CRIP2: variants seen among roughly 807,000 people sequenced by gnomAD.
CRIP2 encodes cysteine-rich protein 2.
Under a neutral mutation model 31.3 loss-of-function variants are expected in CRIP2, and 31 were observed. The observed-to-expected ratio is 0.99, with a 90% CI of 0.74 to 1.34. CRIP2 has a LOEUF of 1.34. Among genes scored for constraint, CRIP2 ranks in the 40% most tolerant of loss-of-function variants. CRIP2 has a pLI of 0.00. For synonymous variants in CRIP2, 177 were observed against 127.2 expected (o/e 1.39, Z -2.63); for missense variants, 389 against 301.6 (o/e 1.29, Z -2.15).
Position 105,479,766 on chromosome 14 carries a change from GGGC to G in CRIP2, c.*115_*117del. The G allele has an allele frequency of 8.2e-7, 1 of 1,223,928 alleles. No individual in the cohort carries two copies. The highest frequency in any genetic ancestry group is 1.3e-5 in the South Asian group (1 of 75,024). The allele number at this position is 1,223,928 out of a possible 1,614,324, so 75.8% of individuals were successfully genotyped here. On this transcript the variant is annotated 3_prime_UTR_variant, in exon 8 of 8. Transcript: ENST00000329146. ...CCGCCCAGTCCTGCCTGCAAGCCCA[GGGC>G]GAGTATTGGAGGAGGGGCAGCCACG...
At chr14:105,475,733 C>T (rs958154735) in intron 1 of CRIP2, 2 of 802,336 alleles carry the variant, frequency 2.5e-6, no homozygotes, top group Non-Finnish European at 1.5e-6. Context: ...GGCTTACTCA[C>T]TCTCTGGGCC....
rs2084061320 is a variant in CRIP2, at chr14:105,480,109, G to A, written c.*456G>A. The A allele has an allele frequency of 1.5e-5, 3 of 199,594 alleles. No homozygotes were observed. In the Admixed American group the frequency reaches 1.6e-4, roughly 11 times the overall value. The allele number at this position is 199,594 out of a possible 1,614,324, so 12.4% of individuals were successfully genotyped here. ...CCTCGCAAGCGCTCGCCACCCTCAC[G>A]TGGCTCACCTGCTGTTGAGCCTTGT... On this transcript the variant is annotated 3_prime_UTR_variant, in exon 8 of 8. Coordinates refer to ENST00000329146, the MANE Select transcript of CRIP2 (RefSeq NM_001312.4).
chr14:105,473,243 GA>G (rs2083871804), upstream of CRIP2: 1 of 1,526,904 alleles, frequency 6.5e-7, no homozygotes, highest in Non-Finnish European at 8.7e-7. Flanking sequence ...AAAAGGTACT[GA>G]CTGATGCCTC....
intron 1 of CRIP2, chr14:105,477,228 T>C (rs2083951019): frequency 1.0e-6 from 1 of 977,596 alleles, no homozygotes; most frequent in Non-Finnish European, 1.2e-6. Context: ...AGGCCCCTGC[T>C]TCCATCCACT....
At chr14:105,475,902 T>C (rs1477315207) in intron 1 of CRIP2, 6 of 985,406 alleles carry the variant, frequency 6.1e-6, no homozygotes, top group African/African-American at 1.7e-5. Flanking sequence ...GCGCCTGCCC[T>C]GGTCGCCCCA....
chr14:105,477,498 C>T (rs947550073), intron 1 of CRIP2: 2 of 984,626 alleles, frequency 2.0e-6, no homozygotes, highest in Non-Finnish European at 2.4e-6. Context: ...GGGGTGCTGC[C>T]AGCCCCATCA....
At chr14:105,473,671 G>A (rs77146948), upstream of CRIP2, among the ~76,000 whole-genome samples, 7,433 of 152,280 alleles carry the variant, frequency 0.049, 590 homozygotes, top group African/African-American at 0.17. Flanking sequence ...GGGCCCATGG[G>A]GACAGAGCAC....
upstream of CRIP2, chr14:105,473,072 A>G: frequency 1.5e-6 from 1 of 687,878 alleles, no homozygotes; most frequent in Non-Finnish European, 2.4e-6. Context: ...TAGCAAAGTC[A>G]GGGAGGGTAA....
intron 6 of CRIP2, 35 bp from the exon 7 acceptor site, chr14:105,479,400 GT>G (rs782521512): frequency 1.2e-6 from 2 of 1,610,656 alleles, no homozygotes; most frequent in East Asian, 4.5e-5. Flanking sequence ...GGGGGAGTCT[GT>G]GGACTCCTCC....
rs978295865 is a variant in CRIP2, at chr14:105,479,981, C to G, written c.*328C>G. ...TCTCCCTCTCCTGCTGCCCACCCACCTGCCAGTGTTATTTATGCTCCCTTC... is the reference window on the plus strand; with the variant it reads ...TCTCCCTCTCCTGCTGCCCACCCACGTGCCAGTGTTATTTATGCTCCCTTC... On this transcript the variant is annotated 3_prime_UTR_variant, in exon 8 of 8. Transcript: ENST00000329146. The G allele has an allele frequency of 8.1e-6, 3 of 369,680 alleles. No homozygotes were observed. Among genetic ancestry groups the G allele is most frequent in the Non-Finnish European group, 1.5e-5 (3 of 197,140 alleles). The allele number at this position is 369,680 out of a possible 1,614,324, so 22.9% of individuals were successfully genotyped here. A position where few individuals can be genotyped will look rare whatever the true frequency, so the allele number is the denominator to read the frequency against.
intron 1 of CRIP2, chr14:105,476,399 C>T (rs2083933278): frequency 1.0e-6 from 1 of 985,514 alleles, no homozygotes; most frequent in Non-Finnish European, 1.2e-6. Context: ...CACCAGGCTG[C>T]CCCCGCAGCT....
Position 105,478,528 on chromosome 14 carries a change from G to A in CRIP2, c.196+21G>A, listed in dbSNP as rs781816646. On this transcript the variant is annotated intron_variant, in intron 3 of 7. Coordinates refer to ENST00000329146, the MANE Select transcript of CRIP2 (RefSeq NM_001312.4). The surrounding 1 kb of genome is among the most constrained non-coding windows in gnomAD (Gnocchi z 4.9). ...CAAAGGTGAGCTCCGGCTGCCCTCGGCCTGCCCTGGGACCTGCTGGGAGGG... is the reference window on the plus strand; with the variant it reads ...CAAAGGTGAGCTCCGGCTGCCCTCGACCTGCCCTGGGACCTGCTGGGAGGG... 5 of 1,602,934 alleles carry A rather than the reference G, an allele frequency of 3.1e-6. No individual in the cohort carries two copies. In the East Asian group the frequency reaches 9.0e-5, roughly 29 times the overall value.
intron 1 of CRIP2, among the ~76,000 whole-genome samples, chr14:105,477,808 G>T (rs1249337978): frequency 8.7e-6 from 1 of 115,494 alleles, no homozygotes; most frequent in Non-Finnish European, 1.8e-5. Context: ...GATTTGTGGG[G>T]GGAGGCGGGC....
chr14:105,479,333 C>A, intron 6 of CRIP2, 103 bp from the exon 7 acceptor site: 1 of 1,553,200 alleles, frequency 6.4e-7, no homozygotes, highest in South Asian at 1.2e-5. Context: ...AGCTGCGCTG[C>A]CCTCTCCCCC....
chr14:105,478,835 C>G lies in CRIP2; in HGVS notation c.301C>G (p.Arg101Gly). Residue 101 changes from arginine (R) to glycine (G), a missense_variant, in exon 4 of 8, where the codon CGG (arginine) becomes GGG (glycine). By Grantham distance (125) the Arg-to-Gly change is moderately radical. Transcript: ENST00000329146. This position sits in a 1 kb window ranked among gnomAD's most constrained non-coding sequence, Gnocchi z 4.9. ...IEVPAARAEE[R>G]KASGPPKGPS... is the part of the protein sequence containing the mutation. ...GGTCCCCGCGGCCCGAGCAGAGGAGCGGAAGGCGAGCGGCCCCCCGAAGGG... is the reference window on the plus strand; with the variant it reads ...GGTCCCCGCGGCCCGAGCAGAGGAGGGGAAGGCGAGCGGCCCCCCGAAGGG... 1 of 1,427,098 alleles carries G rather than the reference C, an allele frequency of 7.0e-7. No individual in the cohort carries two copies. Among genetic ancestry groups the G allele is most frequent in the Non-Finnish European group, 9.1e-7 (1 of 1,100,910 alleles). The allele number at this position is 1,427,098 out of a possible 1,614,324, so 88.4% of individuals were successfully genotyped here.
At chr14:105,474,806 C>A, upstream of CRIP2, 1 of 1,286,040 alleles carries the variant, frequency 7.8e-7, no homozygotes, top group Non-Finnish European at 9.9e-7. The surrounding 1 kb of genome is among the most constrained non-coding windows in gnomAD (Gnocchi z 5.1). Flanking sequence ...TGGGCGCGGG[C>A]GGCGGCGGCC....
chr14:105,478,197 G>C lies in CRIP2; in HGVS notation c.44-69G>C. ...CCCGGAGCGCGTGGGGGTGGTGGCT[G>C]CCAGGTGGGGGCGGAGGGGGTGCGG... is the stretch of plus-strand genomic sequence containing the variant. On this transcript the variant is annotated intron_variant, in intron 1 of 7. Transcript: ENST00000329146. The surrounding 1 kb of genome is among the most constrained non-coding windows in gnomAD (Gnocchi z 4.9). 7.8e-7 allele frequency: 1 copy of C among 1,279,674 alleles called. No homozygotes were observed. The highest frequency in any genetic ancestry group is 1.0e-6 in the Non-Finnish European group (1 of 964,876). The allele number at this position is 1,279,674 out of a possible 1,614,324, so 79.3% of individuals were successfully genotyped here.
chr14:105,476,415 C>T lies in CRIP2; in HGVS notation c.43+1510C>T. 4.1e-6 allele frequency: 4 copies of T among 985,518 alleles called. No homozygotes were observed. The South Asian group carries it at 1.4e-4, about 35-fold the overall frequency. 61.0% of individuals were successfully genotyped at this position (985,518 alleles called of 1,614,324 possible). On this transcript the variant is annotated intron_variant, in intron 1 of 7. Coordinates refer to ENST00000329146, the MANE Select transcript of CRIP2 (RefSeq NM_001312.4). ...ACCAGGCTGCCCCCGCAGCTCATAC[C>T]TGAGTAGAACCCAGGCTGGGATGTC...
chr14:105,473,183 GAGGGACCCCT>G (rs1555435103), upstream of CRIP2: 6 of 1,520,964 alleles, frequency 3.9e-6, no homozygotes, highest in South Asian at 2.4e-5. Context: ...GCCCTGCTGT[GAGGGACCCCT>G]AGGGACCCCT....
Sources: gnomAD v4.1 joint callset for allele counts (sites outside exome capture counted in the v4.1 genomes callset) on GRCh38, gnomAD v4.1.1 for gene constraint, Gnocchi (gnomAD v3.1) non-coding constraint, MANE v1.5 for transcripts, NCBI Gene and HGNC (gene_info 2026-07-23, HGNC 2026-07-21) for gene names.